Variants in PDHX observed in about 807,000 individuals in gnomAD.
PDHX encodes the protein pyruvate dehydrogenase complex component X, also known as pyruvate dehydrogenase protein X component, mitochondrial.
In PDHX, 33 loss-of-function variants were observed where a neutral mutation model predicts 55.3. The ratio of observed to expected loss-of-function variants is 0.60; its 90% CI spans 0.45 to 0.80. The LOEUF (loss-of-function observed/expected upper bound fraction) is 0.80, where lower values mean the gene tolerates loss of function less well. PDHX is among the 30% of genes least tolerant of loss of function. PDHX has a pLI of 0.00. For missense variants in PDHX, 622 were observed against 619.9 expected (o/e 1.00, Z -0.04); for synonymous variants, 226 against 219.4 (o/e 1.03, Z -0.27).
chr11:34,928,547 A>G (rs775985334), intron 1 of PDHX, among the ~76,000 whole-genome samples: 7 of 151,410 alleles, frequency 4.6e-5, no homozygotes, highest in Non-Finnish European at 8.8e-5. Flanking sequence ...GGCTGACAGT[A>G]CATTCTTTAA....
chr11:34,966,070 A>G (rs1436909923), intron 5 of PDHX, among the ~76,000 whole-genome samples: 1 of 152,172 alleles, frequency 6.6e-6, no homozygotes, highest in Non-Finnish European at 1.5e-5. Flanking sequence ...TTTTCATTCT[A>G]AAAGATATCA....
At chr11:34,944,036 G>GTA (rs1384836876) in intron 2 of PDHX, among the ~76,000 whole-genome samples, 1 of 149,068 alleles carries the variant, frequency 6.7e-6, no homozygotes, top group Non-Finnish European at 1.5e-5. Context: ...GCCTACATAT[G>GTA]TATATATATT....
At chr11:34,982,236 C>A (rs979861113) in intron 8 of PDHX, among the ~76,000 whole-genome samples, 1 of 152,104 alleles carries the variant, frequency 6.6e-6, no homozygotes, top group Non-Finnish European at 1.5e-5. Context: ...CCAGTTTTCC[C>A]AGCACCATTT....
intron 3 of PDHX, among the ~76,000 whole-genome samples, chr11:34,956,161 T>A (rs537311004): frequency 6.6e-6 from 1 of 152,054 alleles, no homozygotes; most frequent in Admixed American, 6.6e-5. Flanking sequence ...CTTCCATAGC[T>A]TGTAATTCAT....
rs78786877 is a variant in PDHX at position 34,939,039 on chromosome 11, T to G, written c.241+7555T>G. ...CCTTTGTGATTTGTGATCTTTTGAG[T>G]ATAATTGGCTGCTTTTCATTAACAC... On this transcript the variant is annotated intron_variant, in intron 2 of 10. Transcript: ENST00000227868. Among the ~76,000 whole-genome samples, 835 of 152,358 alleles carry G rather than the reference T, an allele frequency of 5.5e-3. 12 individuals are homozygous for G. Among genetic ancestry groups the G allele is most frequent in the African/African-American group, 0.019 (800 of 41,580 alleles).
rs1355019656 is a variant in PDHX, at chr11:34,966,814, G to A, written c.816G>A (p.Val272=). 2.5e-6 allele frequency: 4 copies of A among 1,611,724 alleles called. No individual in the cohort carries two copies. The highest frequency in any genetic ancestry group is 3.4e-6 in the Non-Finnish European group (4 of 1,178,090). Residue 272 remains valine, a splice_region_variant and synonymous_variant, in exon 6 of 11, where the codon GTG becomes GTA. Coordinates refer to ENST00000227868, the MANE Select transcript of PDHX (RefSeq NM_003477.3). ...PVSTPGQPNA[V]GTFTEIPASN... ...CAACTCCTGGACAACCCAATGCAGT[G>A]GTAGTGTTCTCTAAGTGGATTTTTA...
At chr11:34,974,147 A>G (rs1184887032) in intron 7 of PDHX, among the ~76,000 whole-genome samples, 1 of 152,172 alleles carries the variant, frequency 6.6e-6, no homozygotes, top group Non-Finnish European at 1.5e-5. Flanking sequence ...ATCCTGCAAA[A>G]TGGAAACTCT....
chr11:34,960,911 T>G (rs1225112145), intron 5 of PDHX, among the ~76,000 whole-genome samples: 1 of 152,236 alleles, frequency 6.6e-6, no homozygotes. Flanking sequence ...TATTCACTTG[T>G]GCTGTTATAA....
At chr11:34,986,177 C>T (rs1036142057) in intron 9 of PDHX, among the ~76,000 whole-genome samples, 17 of 151,998 alleles carry the variant, frequency 1.1e-4, no homozygotes, top group African/African-American at 4.1e-4. Context: ...TGGTGGCACA[C>T]ACCTATTATC....
chr11:34,966,300 T>A (rs190854811), intron 5 of PDHX, among the ~76,000 whole-genome samples: 2 of 152,320 alleles, frequency 1.3e-5, no homozygotes, highest in East Asian at 3.9e-4. Context: ...GTATAAAGGA[T>A]GAGAGTGGTT....
intron 8 of PDHX, among the ~76,000 whole-genome samples, chr11:34,978,774 T>C (rs569321237): frequency 3.9e-5 from 6 of 152,002 alleles, no homozygotes; most frequent in Non-Finnish European, 7.4e-5. Context: ...GGAGATAAGA[T>C]TTAAATAACA....
chr11:34,962,415 G>A (rs981027273), intron 5 of PDHX, among the ~76,000 whole-genome samples: 1 of 152,202 alleles, frequency 6.6e-6, no homozygotes, highest in African/African-American at 2.4e-5. Flanking sequence ...ATCTGGTCTA[G>A]GTGATGATAG....
At chr11:34,967,597 T>C (rs2133981641) in intron 6 of PDHX, among the ~76,000 whole-genome samples, 1 of 152,334 alleles carries the variant, frequency 6.6e-6, no homozygotes, top group South Asian at 2.1e-4. Context: ...CCCCTTTTTG[T>C]TTTCAAATTA....
intron 1 of PDHX, among the ~76,000 whole-genome samples, chr11:34,926,320 G>A (rs956259700): frequency 6.6e-6 from 1 of 152,266 alleles, no homozygotes; most frequent in East Asian, 1.9e-4. Context: ...TGAAGGCTCC[G>A]TTTTATTTAG....
chr11:34,922,862 CGTTGTGT>C, intron 1 of PDHX, among the ~76,000 whole-genome samples: 2 of 104,260 alleles, frequency 1.9e-5, no homozygotes, highest in Non-Finnish European at 3.8e-5. Context: ...CCCAAAGTAT[CGTTGTGT>C]GTGTGTGTGT....
At chr11:34,916,352 A>T (rs765979127), upstream of PDHX, 2 of 1,590,066 alleles carry the variant, frequency 1.3e-6, no homozygotes, top group East Asian at 2.3e-5. Context: ...TTAGCCTGGG[A>T]TACGGCAGCG....
intron 1 of PDHX, among the ~76,000 whole-genome samples, chr11:34,920,239 A>G (rs1853842134): frequency 1.3e-5 from 2 of 152,212 alleles, no homozygotes; most frequent in Non-Finnish European, 2.9e-5. Flanking sequence ...GATTTGGAAT[A>G]TAATTGGTAA....
At chr11:34,935,958 A>G (rs1296941047) in intron 2 of PDHX, among the ~76,000 whole-genome samples, 1 of 152,164 alleles carries the variant, frequency 6.6e-6, no homozygotes, top group Non-Finnish European at 1.5e-5. Flanking sequence ...AATAGTATCA[A>G]AAGAGTTTAG....
At chr11:34,932,435 A>G (rs2031686) in intron 2 of PDHX, among the ~76,000 whole-genome samples, 121,416 of 152,112 alleles carry the variant, frequency 0.8, 48,649 homozygotes, top group African/African-American at 0.83. Flanking sequence ...ATGAACAGAT[A>G]GTTTACAGAA....
Sources: allele counts gnomAD v4.1 joint callset (sites outside exome capture counted in the v4.1 genomes callset), GRCh38; gene constraint gnomAD v4.1.1; transcripts MANE v1.5; gene names NCBI Gene and HGNC (gene_info 2026-07-23, HGNC 2026-07-21).